The following PCDHGB3 variants were observed in gnomAD, a reference collection of about 807,000 sequenced individuals.
PCDHGB3 encodes protocadherin gamma-B3.
Under a neutral mutation model 59.2 loss-of-function variants are expected in PCDHGB3, and 40 were observed. That is an observed-to-expected ratio of 0.68 (90% confidence interval 0.52 to 0.88). The LOEUF is 0.88. Ranked by LOEUF, PCDHGB3 falls within the 40% of genes least tolerant of loss-of-function variation. The pLI, the probability that PCDHGB3 is intolerant of heterozygous loss-of-function variation, is 0.00. For synonymous variants in PCDHGB3, 581 were observed against 503.6 expected (o/e 1.15, Z -2.06); for missense variants, 1,309 against 1,187.9 (o/e 1.10, Z -1.50).
intron 1 of PCDHGB3, chr5:141,426,513 C>T (rs780618436): frequency 6.2e-5 from 21 of 341,148 alleles, no homozygotes; most frequent in Non-Finnish European, 1.1e-4. Context: ...AATACTTTAC[C>T]GTGAACACGG....
rs372096658 is a variant in PCDHGB3, at chr5:141,405,073, C to T, written c.2415+32264C>T. On this transcript the variant is annotated intron_variant, in intron 1 of 3. Coordinates refer to ENST00000576222, the MANE Select transcript of PCDHGB3 (RefSeq NM_018924.5). The stretch of plus-strand genomic sequence containing the variant: ...TCGTCTCCTGTGTCTTCCTCACCTT[C>T]GTTATCACGCTGCTGGCCCTCAGGC... The T allele has an allele frequency of 1.1e-5, 17 of 1,613,880 alleles. No individual in the cohort carries two copies. In the East Asian group the frequency reaches 1.3e-4, roughly 13 times the overall value.
In PCDHGB3 at chr5:141,486,705, A is replaced by T. The variant is rs2099633722; in HGVS notation, c.2416-8102A>T. On this transcript the variant is annotated intron_variant, in intron 1 of 3. Transcript: ENST00000576222. This position sits in a 1 kb window ranked among gnomAD's most constrained non-coding sequence, Gnocchi z 5.0. ...TCAGCTTCCTCTTTCATCTCTCTGA[A>T]CCCCCAGACAGGAGCTGTTCATGCT... The T allele has an allele frequency of 6.2e-7, 1 of 1,613,844 alleles. No individual in the cohort carries two copies. The highest frequency in any genetic ancestry group is 1.3e-5 in the African/African-American group (1 of 74,910).
chr5:141,489,040 C>G lies in PCDHGB3; in HGVS notation c.2416-5767C>G. On this transcript the variant is annotated intron_variant, in intron 1 of 3. Coordinates refer to ENST00000576222, the MANE Select transcript of PCDHGB3 (RefSeq NM_018924.5). This position sits in a 1 kb window ranked among gnomAD's most constrained non-coding sequence, Gnocchi z 4.5. ...CCTCTCCTCCTCCAGCTCCCCAGCT[C>G]CACTCAAATTCAGCTCCCCTCCCCC... 1 of 479,752 alleles carries G rather than the reference C, an allele frequency of 2.1e-6. No homozygotes were observed. The highest frequency in any genetic ancestry group is 3.6e-6 in the Non-Finnish European group (1 of 274,204). 29.7% of individuals were successfully genotyped at this position (479,752 alleles called of 1,614,324 possible). A position where few individuals can be genotyped will look rare whatever the true frequency, so the allele number is the denominator to read the frequency against.
rs767186429 is a variant in PCDHGB3 at position 141,372,531 on chromosome 5, C to T, written c.2137C>T (p.Leu713=). Residue 713 remains leucine (L), a synonymous_variant, in exon 1 of 4, where the codon CTG becomes TTG. Transcript: ENST00000576222. ...CCTCGCGGTGATTCTGGCAATCTCC[C>T]TGCGCCTGCGATGCTCCTCCAGACC... ...FLLAVILAIS[L]RLRCSSRPAT... is the part of the protein sequence containing the mutation. 1 of 1,614,032 alleles carries T rather than the reference C, an allele frequency of 6.2e-7. No individual in the cohort carries two copies. The highest frequency in any genetic ancestry group is 1.1e-5 in the South Asian group (1 of 91,080).
chr5:141,500,688 T>C (rs2099802014), intron 2 of PCDHGB3, among the ~76,000 whole-genome samples: 1 of 152,224 alleles, frequency 6.6e-6, no homozygotes, highest in Non-Finnish European at 1.5e-5. Flanking sequence ...TATAGCTTTT[T>C]TCTTCTTTGC....
chr5:141,480,955 G>A (rs2154578440), intron 1 of PCDHGB3, among the ~76,000 whole-genome samples: 1 of 152,304 alleles, frequency 6.6e-6, no homozygotes, highest in South Asian at 2.1e-4. Context: ...TGAGGCGGAA[G>A]CATCAGTGAG....
chr5:141,444,152 A>AT (rs747671382), intron 1 of PCDHGB3, among the ~76,000 whole-genome samples: 1,130 of 33,890 alleles, frequency 0.033, 460 homozygotes, highest in Non-Finnish European at 0.038. Flanking sequence ...TGTGTACTGG[A>AT]TTTTTTTTTT....
At chr5:141,433,352 T>G (rs976015031) in intron 1 of PCDHGB3, 1 of 614,162 alleles carries the variant, frequency 1.6e-6, no homozygotes, top group Admixed American at 3.0e-5. Flanking sequence ...AGCCACCTAC[T>G]GTCTGCCTAT....
At chr5:141,401,900 AATT>A (rs1215744256) in intron 1 of PCDHGB3, among the ~76,000 whole-genome samples, 1 of 152,196 alleles carries the variant, frequency 6.6e-6, no homozygotes, top group Non-Finnish European at 1.5e-5. Flanking sequence ...CTTTTTCCCA[AATT>A]ATTATATAAG....
intron 1 of PCDHGB3, among the ~76,000 whole-genome samples, chr5:141,473,583 A>G (rs905824343): frequency 6.6e-6 from 1 of 152,226 alleles, no homozygotes; most frequent in Non-Finnish European, 1.5e-5. Flanking sequence ...CTAAGACCAG[A>G]CAGACCTGTA....
intron 1 of PCDHGB3, among the ~76,000 whole-genome samples, chr5:141,464,888 GCCACCATGT>G (rs1351812446): frequency 6.6e-6 from 1 of 152,000 alleles, no homozygotes; most frequent in East Asian, 1.9e-4. Context: ...ACAGATGGAT[GCCACCATGT>G]CCAGCTAATT....
chr5:141,478,903 C>T lies in PCDHGB3; in HGVS notation c.2416-15904C>T. On this transcript the variant is annotated intron_variant, in intron 1 of 3. Transcript: ENST00000576222. Reference sequence around the variant, plus strand: ...TGGTATCATTTACATTAGGAATAAGCTGCTGGATACCTCTAACCAGTGGCA... The same window carrying T: ...TGGTATCATTTACATTAGGAATAAGTTGCTGGATACCTCTAACCAGTGGCA... 4.2e-6 allele frequency: 4 copies of T among 957,824 alleles called. No homozygotes were observed. The South Asian group carries it at 7.3e-5, about 18-fold the overall frequency. 59.3% of individuals were successfully genotyped at this position (957,824 alleles called of 1,614,324 possible). A position where few individuals can be genotyped will look rare whatever the true frequency, so the allele number is the denominator to read the frequency against.
At chr5:141,498,361 T>C (rs1256361883) in intron 2 of PCDHGB3, among the ~76,000 whole-genome samples, 1 of 151,460 alleles carries the variant, frequency 6.6e-6, no homozygotes, top group African/African-American at 2.4e-5. Flanking sequence ...GCAAAAGCCT[T>C]GTGGTGAGGC....
Position 141,487,007 on chromosome 5 carries a change from G to C in PCDHGB3, c.2416-7800G>C, listed in dbSNP as rs563548715. On this transcript the variant is annotated intron_variant, in intron 1 of 3. Transcript: ENST00000576222. This position sits in a 1 kb window ranked among gnomAD's most constrained non-coding sequence, Gnocchi z 5.0. ...TGCTTGGGTTTCCTATCAGCTCCTG[G>C]AGGCCCCAGATCCCAGCCTGTTTGC... The C allele has an allele frequency of 6.2e-7, 1 of 1,614,206 alleles. No individual in the cohort carries two copies. Among genetic ancestry groups the C allele is most frequent in the Non-Finnish European group, 8.5e-7 (1 of 1,180,042 alleles).
intron 1 of PCDHGB3, chr5:141,423,105 G>C (rs1480411428): frequency 1.9e-6 from 3 of 1,613,920 alleles, no homozygotes; most frequent in East Asian, 4.5e-5. Flanking sequence ...ACACGGGCGA[G>C]GTGCGTACAG....
At chr5:141,405,301 G>C (rs369812265) in intron 1 of PCDHGB3, 2 of 1,614,082 alleles carry the variant, frequency 1.2e-6, no homozygotes, top group African/African-American at 2.7e-5. Context: ...TCAGCCAGCA[G>C]AGCTGTGAGA....
At chr5:141,474,652 T>C (rs962582027) in intron 1 of PCDHGB3, among the ~76,000 whole-genome samples, 1 of 152,206 alleles carries the variant, frequency 6.6e-6, no homozygotes, top group African/African-American at 2.4e-5. Context: ...TCCTTACTTC[T>C]TTTCTACCTA....
intron 2 of PCDHGB3, among the ~76,000 whole-genome samples, chr5:141,501,018 G>A (rs1337771734): frequency 2.0e-5 from 3 of 151,882 alleles, no homozygotes; most frequent in East Asian, 1.9e-4. Context: ...ACAGGCACGC[G>A]CCACCACGCC....
chr5:141,413,906 C>G, intron 1 of PCDHGB3: 1 of 1,613,310 alleles, frequency 6.2e-7, no homozygotes. Context: ...GACAACGCGC[C>G]GGTCTTCACC....
Sources: allele counts gnomAD v4.1 joint callset (sites outside exome capture counted in the v4.1 genomes callset), GRCh38; gene constraint gnomAD v4.1.1; non-coding constraint Gnocchi (gnomAD v3.1); transcripts MANE v1.5; gene names NCBI Gene and HGNC (gene_info 2026-07-23, HGNC 2026-07-21).